The following SUCLG2 variants were observed in gnomAD, a reference collection of about 807,000 sequenced individuals.
SUCLG2 encodes the protein succinate-CoA ligase GDP-forming subunit beta.
Under a neutral mutation model 47.9 loss-of-function variants are expected in SUCLG2, and 42 were observed. The ratio of observed to expected loss-of-function variants is 0.88; its 90% CI spans 0.69 to 1.14. The LOEUF (loss-of-function observed/expected upper bound fraction) is 1.14. SUCLG2 is among the 50% of genes most tolerant of loss of function. SUCLG2 has a pLI of 0.00. For synonymous variants in SUCLG2, 195 were observed against 197.3 expected, an observed-to-expected ratio of 0.99 and a Z score of 0.10; for missense variants, 571 against 525.9, an observed-to-expected ratio of 1.09 and a Z score of -0.84.
At chr3:67,635,154 A>G (rs1700987724) in intron 1 of SUCLG2, among the ~76,000 whole-genome samples, 1 of 152,222 alleles carries the variant, frequency 6.6e-6, no homozygotes, top group Admixed American at 6.5e-5. Flanking sequence ...GTGACCTAGG[A>G]CATTCAAATA....
At chr3:67,612,870 T>C (rs1005832355) in intron 1 of SUCLG2, among the ~76,000 whole-genome samples, 1 of 152,196 alleles carries the variant, frequency 6.6e-6, no homozygotes, top group African/African-American at 2.4e-5. Context: ...GACCTCCTCC[T>C]CGGGTTTAAC....
At chr3:67,550,638 C>G (rs1468338282) in intron 2 of SUCLG2, among the ~76,000 whole-genome samples, 1 of 152,176 alleles carries the variant, frequency 6.6e-6, no homozygotes, top group Admixed American at 6.5e-5. Flanking sequence ...CAAACCGTCT[C>G]CTTTCTGTGT....
At chr3:67,399,150 A>T (rs1702625179) in intron 10 of SUCLG2, among the ~76,000 whole-genome samples, 1 of 151,000 alleles carries the variant, frequency 6.6e-6, no homozygotes, top group East Asian at 1.9e-4. Context: ...GTGCACATGT[A>T]CCCTAAAACT....
Position 67,654,476 on chromosome 3 carries a change from GCCCGCAGC to G in SUCLG2, c.84+19_84+26del. On this transcript the variant is annotated intron_variant, in intron 1 of 10. Transcript: ENST00000307227. ...CGGGCAGGCCGGCGCCGCTGCTGGCGCCCGCAGCTCCTGCCCCCACGCTCACCTGGGAC... is the reference window on the plus strand; with the variant it reads ...CGGGCAGGCCGGCGCCGCTGCTGGCGTCCTGCCCCCACGCTCACCTGGGAC... The G allele has an allele frequency of 8.1e-7, 1 of 1,231,318 alleles. No homozygotes were observed. The highest frequency in any genetic ancestry group is 1.0e-6 in the Non-Finnish European group (1 of 986,794). The allele number at this position is 1,231,318 out of a possible 1,614,324, so 76.3% of individuals were successfully genotyped here. A position where few individuals can be genotyped will look rare whatever the true frequency, so the allele number is the denominator to read the frequency against.
intron 2 of SUCLG2, among the ~76,000 whole-genome samples, chr3:67,587,769 C>G (rs2107270593): frequency 6.6e-6 from 1 of 152,250 alleles, no homozygotes; most frequent in South Asian, 2.1e-4. Flanking sequence ...AGCCTATAAT[C>G]CAGTCCCTAT....
intron 2 of SUCLG2, among the ~76,000 whole-genome samples, chr3:67,578,161 A>G (rs1189737041): frequency 6.6e-6 from 1 of 150,394 alleles, no homozygotes; most frequent in Non-Finnish European, 1.5e-5. Context: ...ATGAATAAAT[A>G]GCATAAACTC....
chr3:67,559,065 T>G (rs1025060696), intron 2 of SUCLG2, among the ~76,000 whole-genome samples: 1 of 152,214 alleles, frequency 6.6e-6, no homozygotes, highest in African/African-American at 2.4e-5. Flanking sequence ...AATATCACAA[T>G]GTATTAATAG....
intron 9 of SUCLG2, among the ~76,000 whole-genome samples, chr3:67,487,612 A>G (rs139027904): frequency 6.6e-6 from 1 of 152,252 alleles, no homozygotes; most frequent in African/African-American, 2.4e-5. Flanking sequence ...AGTCATAAAG[A>G]GGCATTACAA....
chr3:67,610,731 C>CA (rs1287273263), intron 1 of SUCLG2, among the ~76,000 whole-genome samples: 3 of 152,166 alleles, frequency 2.0e-5, no homozygotes, highest in Non-Finnish European at 4.4e-5. Flanking sequence ...GGTGGATGTC[C>CA]AAGGCAGTGT....
At chr3:67,603,115 A>G (rs1708455940) in intron 2 of SUCLG2, among the ~76,000 whole-genome samples, 1 of 152,152 alleles carries the variant, frequency 6.6e-6, no homozygotes, top group Non-Finnish European at 1.5e-5. Flanking sequence ...TATATTATTG[A>G]CTCCAAAGTC....
intron 6 of SUCLG2, among the ~76,000 whole-genome samples, chr3:67,513,511 G>A (rs898954089): frequency 3.3e-5 from 5 of 151,094 alleles, no homozygotes; most frequent in Admixed American, 6.6e-5. Context: ...ACCCTTGTAA[G>A]ATGTCTTATT....
At chr3:67,409,979 G>A (rs1183053691) in intron 9 of SUCLG2, among the ~76,000 whole-genome samples, 1 of 152,134 alleles carries the variant, frequency 6.6e-6, no homozygotes, top group East Asian at 1.9e-4. Context: ...CCTAAGTAAT[G>A]CTCCTTGAAA....
chr3:67,473,949 T>C (rs1174266316), intron 9 of SUCLG2, among the ~76,000 whole-genome samples: 2 of 152,130 alleles, frequency 1.3e-5, no homozygotes, highest in African/African-American at 4.8e-5. Context: ...CTTCTTGTGG[T>C]CACTGAGTTT....
intron 10 of SUCLG2, among the ~76,000 whole-genome samples, chr3:67,364,164 T>C (rs748925822): frequency 3.3e-5 from 5 of 152,252 alleles, no homozygotes; most frequent in African/African-American, 4.8e-5. Flanking sequence ...TGAAGGCTGA[T>C]TGGGGAGCTC....
chr3:67,589,997 T>G (rs935959066), intron 2 of SUCLG2, among the ~76,000 whole-genome samples: 4 of 152,190 alleles, frequency 2.6e-5, no homozygotes, highest in African/African-American at 9.7e-5. Context: ...GATTTATATA[T>G]GCATTTATGA....
At chr3:67,616,365 A>C (rs1255482304) in intron 1 of SUCLG2, among the ~76,000 whole-genome samples, 5 of 152,190 alleles carry the variant, frequency 3.3e-5, no homozygotes, top group Non-Finnish European at 7.3e-5. Context: ...AGAACAATAC[A>C]TACAGCAGAA....
intron 2 of SUCLG2, among the ~76,000 whole-genome samples, chr3:67,536,610 A>G (rs1706549471): frequency 6.6e-6 from 1 of 152,172 alleles, no homozygotes; most frequent in African/African-American, 2.4e-5. Flanking sequence ...CACATCATCC[A>G]TCAGGAACCC....
At chr3:67,491,237 A>C (rs560997333) in intron 9 of SUCLG2, among the ~76,000 whole-genome samples, 1 of 151,388 alleles carries the variant, frequency 6.6e-6, no homozygotes, top group South Asian at 2.1e-4. Context: ...GAAGAAAAAA[A>C]AAAAAAAAAG....
chr3:67,418,296 T>A (rs1247018130), intron 9 of SUCLG2, among the ~76,000 whole-genome samples: 1 of 152,224 alleles, frequency 6.6e-6, no homozygotes, highest in Non-Finnish European at 1.5e-5. Context: ...TGCTACTCAC[T>A]ATTTACCTGG....
Sources: allele counts gnomAD v4.1 joint callset (sites outside exome capture counted in the v4.1 genomes callset), GRCh38; gene constraint gnomAD v4.1.1; transcripts MANE v1.5; gene names NCBI Gene and HGNC (gene_info 2026-07-23, HGNC 2026-07-21).